Variants in ABCA4 observed in about 807,000 individuals in gnomAD.
ABCA4 encodes ATP binding cassette subfamily A member 4.
A neutral mutation model predicts 263.7 loss-of-function variants in ABCA4; 196 were observed. The observed-to-expected ratio is 0.74, with a 90% CI of 0.66 to 0.84. ABCA4 has a LOEUF of 0.84. Among genes scored for constraint, ABCA4 ranks in the 40% least tolerant of loss-of-function variants. The pLI, the probability that ABCA4 is intolerant of heterozygous loss-of-function variation, is 0.00. For synonymous variants in ABCA4, 1,133 were observed against 1,094.2 expected, an observed-to-expected ratio of 1.04 and a Z score of -0.70; for missense variants, 2,792 against 2,855.1, an observed-to-expected ratio of 0.98 and a Z score of 0.50.
At position 94,031,922 on chromosome 1, in the gene ABCA4, G is replaced by C; in HGVS notation, c.3984C>G (p.His1328Gln). The stretch of plus-strand genomic sequence containing the variant: ...GCTCTGGGGGAGGCTGGCCCTCTGG[G>C]TGAGCAGCCGGCGCCCCTGGGGAGC... ...NVCSPGAPAA[H>Q]PEGQPPPEPE... Residue 1328 changes from histidine to glutamine, a missense_variant, in exon 27 of 50, where the codon CAC (histidine) becomes CAG (glutamine). By Grantham distance (24) the His-to-Gln change is conservative. Transcript: ENST00000370225. 6.2e-7 allele frequency: 1 copy of C among 1,614,162 alleles called. No homozygotes were observed. Among genetic ancestry groups the C allele is most frequent in the Non-Finnish European group, 8.5e-7 (1 of 1,180,024 alleles).
intron 6 of ABCA4, among the ~76,000 whole-genome samples, chr1:94,098,244 GA>G (rs1333868034): frequency 2.0e-5 from 3 of 152,198 alleles, no homozygotes; most frequent in Non-Finnish European, 4.4e-5. Flanking sequence ...TTGAGACTAT[GA>G]AACTTTCTCT....
chr1:94,024,007 G>C (rs1659971357), intron 31 of ABCA4, among the ~76,000 whole-genome samples: 1 of 152,226 alleles, frequency 6.6e-6, no homozygotes, highest in Admixed American at 6.5e-5. Flanking sequence ...GAGATTTGCT[G>C]CTGAGAACTC....
At chr1:94,101,338 T>C (rs1662282347) in intron 5 of ABCA4, among the ~76,000 whole-genome samples, 1 of 152,032 alleles carries the variant, frequency 6.6e-6, no homozygotes, top group Non-Finnish European at 1.5e-5. Flanking sequence ...ACCCCCTCTG[T>C]GGGGGTGGGA....
At position 94,062,611 on chromosome 1, in the gene ABCA4, G is replaced by A. The variant is rs61749414; in HGVS notation, c.1903C>T (p.Gln635Ter). The A allele has an allele frequency of 2.5e-6, 4 of 1,614,042 alleles. No individual in the cohort carries two copies. Among genetic ancestry groups the A allele is most frequent in the Non-Finnish European group, 3.4e-6 (4 of 1,180,038 alleles). ...ACGAAGCAGGGGTAGGGCATCTGCT[G>A]GAGGTAGATTCCAACTGGAGCCTCC... ...QAEAPVGIYL[Q>*]QMPYPCFVDD... is the part of the protein sequence containing the mutation. The change falls in exon 13 of 50, where the codon CAG becomes TAG. Residue 635 changes from glutamine to a stop codon, truncating the protein, a stop_gained. Coordinates refer to ENST00000370225, the MANE Select transcript of ABCA4 (RefSeq NM_000350.3). LOFTEE classifies it high-confidence loss of function.
At chr1:94,106,718 C>T (rs1662446843) in intron 4 of ABCA4, among the ~76,000 whole-genome samples, 1 of 152,220 alleles carries the variant, frequency 6.6e-6, no homozygotes, top group Non-Finnish European at 1.5e-5. Context: ...CATCTTCATA[C>T]ACCAATCTGG....
chr1:94,051,764 C>T, intron 16 of ABCA4, 66 bp from the exon 17 acceptor site: 1 of 1,206,048 alleles, frequency 8.3e-7, no homozygotes, highest in Non-Finnish European at 1.2e-6. Context: ...TACCGCAGTT[C>T]TATAAGATCT....
At chr1:94,007,841 G>C (rs551430410) in intron 42 of ABCA4, 101 bp from the exon 43 acceptor site, 6 of 1,113,924 alleles carry the variant, frequency 5.4e-6, no homozygotes, top group African/African-American at 1.5e-5. Flanking sequence ...AGGAATTTTA[G>C]ACCTGGGCTG....
At chr1:94,039,937 C>G (rs1660441582) in intron 24 of ABCA4, 106 bp downstream of exon 24, 3 of 905,590 alleles carry the variant, frequency 3.3e-6, no homozygotes, top group Non-Finnish European at 5.4e-6. Context: ...CAGAAGTACC[C>G]AGTGTTCTCT....
At chr1:94,000,974 A>G (rs777111227) in intron 46 of ABCA4, 28 bp downstream of exon 46, 1 of 1,613,814 alleles carries the variant, frequency 6.2e-7, no homozygotes, top group Non-Finnish European at 8.5e-7. Flanking sequence ...ATTCCCACCC[A>G]CCTTCCCCAG....
intron 19 of ABCA4, chr1:94,045,651 G>A: frequency 2.3e-6 from 1 of 429,246 alleles, no homozygotes; most frequent in Non-Finnish European, 4.7e-6. Flanking sequence ...TACCATCTCA[G>A]GCTATCTGAA....
intron 35 of ABCA4, 87 bp from the exon 36 acceptor site, chr1:94,019,846 G>C: frequency 6.9e-7 from 1 of 1,444,650 alleles, no homozygotes; most frequent in Non-Finnish European, 9.5e-7. Flanking sequence ...CTTTGGGAAG[G>C]CCTTACACCC....
At chr1:94,098,773 G>A in intron 6 of ABCA4, 21 bp downstream of exon 6, 1 of 1,613,696 alleles carries the variant, frequency 6.2e-7, no homozygotes, top group South Asian at 1.1e-5. Context: ...CAATTGGCGA[G>A]CAGCCAAACC....
At position 94,008,852 on chromosome 1, in the gene ABCA4, C is replaced by T. The variant is rs145299063; in HGVS notation, c.5734G>A (p.Glu1912Lys). Residue 1912 changes from glutamate (E) to lysine (K), a missense_variant, in exon 41 of 50, where the codon GAG (glutamate) becomes AAG (lysine). Coordinates refer to ENST00000370225, the MANE Select transcript of ABCA4 (RefSeq NM_000350.3). The stretch of plus-strand genomic sequence containing the variant: ...TCATCATCTTCATCAACAATGGGCT[C>T]CTTAGTGGGCTCGGCAATCCTAGAT... ...LSQWIAEPTK[E>K]PIVDEDDDVA... The T allele has an allele frequency of 3.5e-4, 560 of 1,613,090 alleles. 1 individual carries two copies. Among genetic ancestry groups the T allele is most frequent in the Non-Finnish European group, 4.6e-4 (542 of 1,179,888 alleles).
At chr1:94,017,779 GT>G (rs1659779683) in intron 36 of ABCA4, among the ~76,000 whole-genome samples, 1 of 152,050 alleles carries the variant, frequency 6.6e-6, no homozygotes, top group African/African-American at 2.4e-5. Flanking sequence ...TTGCTGAGAA[GT>G]TACTTTCAAA....
At chr1:94,036,828 T>C in intron 25 of ABCA4, 40 bp from the exon 26 acceptor site, 1 of 1,600,242 alleles carries the variant, frequency 6.2e-7, no homozygotes, top group Non-Finnish European at 8.6e-7. Context: ...GTTTAGTCAT[T>C]CTTATTCTCA....
chr1:94,029,352 G>T, intron 30 of ABCA4, 93 bp downstream of exon 30: 1 of 1,233,662 alleles, frequency 8.1e-7, no homozygotes, highest in South Asian at 1.6e-5. Flanking sequence ...AGTTTGAAAT[G>T]TTAGTTTGTG....
chr1:94,039,983 C>G, intron 24 of ABCA4, 60 bp downstream of exon 24: 1 of 1,403,452 alleles, frequency 7.1e-7, no homozygotes, highest in Middle Eastern at 1.8e-4. Flanking sequence ...CAGGACACAC[C>G]CAGCAATACT....
rs779855329 is a variant in ABCA4, at chr1:94,010,886, C to T, written c.5628G>A (p.Gly1876=). 13 of 1,614,132 alleles carry T rather than the reference C, an allele frequency of 8.1e-6. No homozygotes were observed. The highest frequency in any genetic ancestry group is 1.1e-5 in the Non-Finnish European group (13 of 1,180,022). Reference sequence around the variant, plus strand: ...CCACCACCATGGCAAACAGGTTCTTCCCAATCAGGTCCCAGTGGAACGGAT... The same window carrying T: ...CCACCACCATGGCAAACAGGTTCTTTCCAATCAGGTCCCAGTGGAACGGAT... ...SANPFHWDLI[G]KNLFAMVVEG... Residue 1876 remains glycine, a synonymous_variant, in exon 40 of 50, where the codon GGG becomes GGA. Transcript: ENST00000370225.
At chr1:94,011,213 C>T (rs1659537296) in intron 39 of ABCA4, 49 bp downstream of exon 39, 2 of 1,613,510 alleles carry the variant, frequency 1.2e-6, no homozygotes, top group Non-Finnish European at 8.5e-7. Flanking sequence ...GTAACCCTCC[C>T]AGCTTTGGAC....
Sources: gnomAD v4.1 joint callset for allele counts (sites outside exome capture counted in the v4.1 genomes callset) on GRCh38, gnomAD v4.1.1 for gene constraint, MANE v1.5 for transcripts, NCBI Gene and HGNC (gene_info 2026-07-23, HGNC 2026-07-21) for gene names.